The following BIN3 variants were observed in gnomAD, a reference collection of about 807,000 sequenced individuals.
The protein encoded by BIN3 is bridging integrator 3.
A neutral mutation model predicts 38.2 loss-of-function variants in BIN3; 41 were observed. The observed-to-expected ratio is 1.07, with a 90% CI of 0.84 to 1.39. BIN3 has a LOEUF of 1.39. Ranked by LOEUF, BIN3 falls within the 40% of genes most tolerant of loss-of-function variation. BIN3 has a pLI of 0.00. For missense variants in BIN3, 361 were observed against 324.3 expected (o/e 1.11, Z -0.87); for synonymous variants, 145 against 122.6 (o/e 1.18, Z -1.21).
chr8:22,665,529 C>T (rs909339797), intron 1 of BIN3, among the ~76,000 whole-genome samples: 3 of 152,122 alleles, frequency 2.0e-5, no homozygotes, highest in Admixed American at 2.0e-4. Context: ...TCAGGGAAGA[C>T]CCTCAGAGAA....
intron 6 of BIN3, among the ~76,000 whole-genome samples, chr8:22,628,556 T>TG (rs1802078889): frequency 6.6e-6 from 1 of 152,122 alleles, no homozygotes; most frequent in Admixed American, 6.5e-5. Flanking sequence ...TGGCAGGTGG[T>TG]GGGCCACCAG....
At chr8:22,630,630 G>A in intron 4 of BIN3, 52 bp from the exon 5 acceptor site, 1 of 1,604,576 alleles carries the variant, frequency 6.2e-7, no homozygotes, top group Non-Finnish European at 8.5e-7. Flanking sequence ...AGGTTTCACG[G>A]CCTTCTCTCC....
At chr8:22,647,135 G>A (rs1294550117) in intron 1 of BIN3, among the ~76,000 whole-genome samples, 1 of 152,118 alleles carries the variant, frequency 6.6e-6, no homozygotes, top group Non-Finnish European at 1.5e-5. Flanking sequence ...ATCTAAAACT[G>A]GAATTCTAAA....
chr8:22,642,344 T>A (rs1391364701), intron 2 of BIN3, among the ~76,000 whole-genome samples: 2 of 18,926 alleles, frequency 1.1e-4, no homozygotes, highest in Admixed American at 5.7e-4. Context: ...CGGGAGGGGG[T>A]GGTGGGTGGG....
intron 2 of BIN3, among the ~76,000 whole-genome samples, chr8:22,639,489 C>T (rs1585188981): frequency 6.6e-6 from 1 of 152,166 alleles, no homozygotes; most frequent in Non-Finnish European, 1.5e-5. Context: ...GCATTGGCCT[C>T]CCAAAGTGCT....
intron 1 of BIN3, among the ~76,000 whole-genome samples, chr8:22,649,013 T>C (rs57927282): frequency 0.016 from 2,387 of 152,284 alleles, 61 homozygotes; most frequent in African/African-American, 0.053. Context: ...ATTTCCTGCC[T>C]CAGCCCTAGA....
At chr8:22,631,651 G>A (rs949128483) in intron 4 of BIN3, among the ~76,000 whole-genome samples, 4 of 152,228 alleles carry the variant, frequency 2.6e-5, no homozygotes, top group Non-Finnish European at 5.9e-5. Flanking sequence ...CTGGCCTAGA[G>A]GAAGCCAGTG....
chr8:22,644,826 G>C (rs1294109053), intron 1 of BIN3, 23 bp from the exon 2 acceptor site: 2 of 1,597,236 alleles, frequency 1.3e-6, no homozygotes, highest in South Asian at 2.2e-5. Flanking sequence ...GAGACAAAGA[G>C]AGATATTGTG....
At chr8:22,664,226 C>G (rs1294874888) in intron 1 of BIN3, among the ~76,000 whole-genome samples, 1 of 152,246 alleles carries the variant, frequency 6.6e-6, no homozygotes, top group Non-Finnish European at 1.5e-5. Flanking sequence ...ACACCTCTGA[C>G]TAAGTAGCTG....
intron 1 of BIN3, among the ~76,000 whole-genome samples, chr8:22,659,807 C>T (rs1046170740): frequency 6.6e-6 from 1 of 152,218 alleles, no homozygotes; most frequent in Non-Finnish European, 1.5e-5. Context: ...ATAATTTACT[C>T]ATCTTCTAGG....
intron 1 of BIN3, among the ~76,000 whole-genome samples, chr8:22,662,237 A>G (rs1585206693): frequency 6.6e-6 from 1 of 152,160 alleles, no homozygotes; most frequent in Admixed American, 6.5e-5. Flanking sequence ...AGGGTAGGGG[A>G]CAGCCACTGT....
intron 4 of BIN3, among the ~76,000 whole-genome samples, chr8:22,633,196 G>T (rs1350844036): frequency 2.0e-5 from 3 of 152,134 alleles, no homozygotes; most frequent in African/African-American, 7.2e-5. Flanking sequence ...TTGGCTGGGC[G>T]TAGTGGCTCA....
chr8:22,668,729 T>C (rs1170585221), intron 1 of BIN3, among the ~76,000 whole-genome samples: 2 of 152,062 alleles, frequency 1.3e-5, no homozygotes, highest in South Asian at 2.1e-4. Flanking sequence ...TCCACCTCAA[T>C]GGGTGTTTAA....
intron 4 of BIN3, among the ~76,000 whole-genome samples, chr8:22,634,015 G>A (rs1392632437): frequency 2.6e-5 from 4 of 152,204 alleles, no homozygotes; most frequent in Admixed American, 6.5e-5. Context: ...TGGACGGTGC[G>A]TCACGGACCC....
chr8:22,644,907 G>T, intron 1 of BIN3, 104 bp from the exon 2 acceptor site: 10 of 1,001,970 alleles, frequency 1.0e-5, no homozygotes, highest in South Asian at 9.8e-5. Flanking sequence ...GGGCGAGGAA[G>T]CGTGGCCATG....
rs1027680878 is a variant in BIN3, at chr8:22,625,145, C to T, written c.339-782G>A. ...GCGTGGGAGACTCAGAGGAGTGGCC[C>T]TCAGAGAGAGCAGCAGTGGACGATG... On this transcript the variant is annotated intron_variant, in intron 6 of 8. Transcript: ENST00000276416. 5 of 584,966 alleles carry T rather than the reference C, an allele frequency of 8.5e-6. No homozygotes were observed. The African/African-American group carries it at 9.3e-5, about 11-fold the overall frequency. 36.2% of individuals were successfully genotyped at this position (584,966 alleles called of 1,614,324 possible).
At chr8:22,649,034 G>A (rs1366590246) in intron 1 of BIN3, among the ~76,000 whole-genome samples, 1 of 152,228 alleles carries the variant, frequency 6.6e-6, no homozygotes, top group East Asian at 1.9e-4. Flanking sequence ...ATCAGTGGAG[G>A]AACTTACATT....
At chr8:22,624,570 A>G (rs1585176271) in intron 6 of BIN3, 1 of 597,408 alleles carries the variant, frequency 1.7e-6, no homozygotes. Flanking sequence ...CACTGTGAAC[A>G]AGACAGATGA....
At chr8:22,631,584 G>T (rs954842835) in intron 4 of BIN3, among the ~76,000 whole-genome samples, 1 of 152,228 alleles carries the variant, frequency 6.6e-6, no homozygotes, top group Admixed American at 6.5e-5. Flanking sequence ...TGCGCCAGCC[G>T]GGCCCTGACC....
Sources: allele counts gnomAD v4.1 joint callset (sites outside exome capture counted in the v4.1 genomes callset), GRCh38; gene constraint gnomAD v4.1.1; transcripts MANE v1.5; gene names NCBI Gene and HGNC (gene_info 2026-07-23, HGNC 2026-07-21).